CLVS1: variants seen among roughly 807,000 people sequenced by gnomAD.
CLVS1 encodes clavesin-1.
A neutral mutation model predicts 33.1 loss-of-function variants in CLVS1; 10 were observed. The ratio of observed to expected loss-of-function variants is 0.30; its 90% CI spans 0.19 to 0.51. CLVS1 has a LOEUF of 0.51. Ranked by LOEUF, CLVS1 falls within the 20% of genes least tolerant of loss-of-function variation. The pLI, the probability that CLVS1 is intolerant of heterozygous loss-of-function variation, is 0.97. For synonymous variants in CLVS1, 163 were observed against 166.1 expected (o/e 0.98, Z 0.14); for missense variants, 343 against 433.4 (o/e 0.79, Z 1.85).
chr8:61,079,462 T>A, intron 1 of CLVS1, among the ~76,000 whole-genome samples: 1 of 152,242 alleles, frequency 6.6e-6, no homozygotes, highest in East Asian at 1.9e-4. Flanking sequence ...TGGTGTGAGT[T>A]GGCTTAGGTG....
intron 1 of CLVS1, among the ~76,000 whole-genome samples, chr8:61,071,193 T>A (rs969779210): frequency 1.3e-5 from 2 of 152,222 alleles, no homozygotes; most frequent in Non-Finnish European, 2.9e-5. Flanking sequence ...TTGCTACAAA[T>A]GGAGACATTT....
At chr8:60,980,397 G>T in the CLVS1 span, among the ~76,000 whole-genome samples, 1 of 152,142 alleles carries the variant, frequency 6.6e-6, no homozygotes, top group African/African-American at 2.4e-5. Context: ...GAATTGTATG[G>T]TCAATAAAGA....
chr8:61,180,671 A>G (rs1168913440), intron 2 of CLVS1, among the ~76,000 whole-genome samples: 2 of 152,262 alleles, frequency 1.3e-5, no homozygotes, highest in Non-Finnish European at 2.9e-5. Context: ...CCTGTGACGC[A>G]AGTCTGGTTC....
chr8:61,043,238 C>A, the CLVS1 span, among the ~76,000 whole-genome samples: 64 of 152,322 alleles, frequency 4.2e-4, no homozygotes, highest in Middle Eastern at 6.8e-3. Flanking sequence ...CATATTTCTT[C>A]CTGACCTTGG....
intron 5 of CLVS1, among the ~76,000 whole-genome samples, chr8:61,493,279 G>A (rs550992681): frequency 3.1e-4 from 47 of 152,130 alleles, no homozygotes; most frequent in African/African-American, 7.7e-4. Context: ...GTCTTTTAGT[G>A]GTGCCATGGA....
chr8:61,071,531 T>C (rs1412143628), intron 1 of CLVS1, among the ~76,000 whole-genome samples: 2 of 152,218 alleles, frequency 1.3e-5, no homozygotes, highest in Admixed American at 1.3e-4. Flanking sequence ...ACCTAGATGG[T>C]TCACAATAAT....
At chr8:60,967,792 A>G in the CLVS1 span, 2 of 427,164 alleles carry the variant, frequency 4.7e-6, no homozygotes, top group Non-Finnish European at 9.3e-6. Flanking sequence ...TCTTATGAGT[A>G]CTCAGGGCTG....
intron 1 of CLVS1, among the ~76,000 whole-genome samples, chr8:61,077,143 G>T (rs1053365930): frequency 6.6e-6 from 1 of 151,640 alleles, no homozygotes; most frequent in Admixed American, 6.6e-5. Flanking sequence ...GCGCGATCTC[G>T]GCTCACTGCA....
Position 61,066,969 on chromosome 8 carries a change from A to G in CLVS1, c.-243+9739A>G, listed in dbSNP as rs1317961224. Among the ~76,000 whole-genome samples, 5 of 152,118 alleles carry G rather than the reference A, an allele frequency of 3.3e-5. 1 individual carries two copies. Among genetic ancestry groups the G allele is most frequent in the African/African-American group, 1.2e-4 (5 of 41,410 alleles). The stretch of plus-strand genomic sequence containing the variant: ...AGCATTCCATGACTGCAGTCTAGTC[A>G]TCAAACACACACTGAGCACGTGCTG... On this transcript the variant is annotated intron_variant, in intron 1 of 2. Coordinates refer to the CLVS1 transcript ENST00000522621.
chr8:61,420,881 G>C (rs1815632882), intron 3 of CLVS1, among the ~76,000 whole-genome samples: 1 of 151,424 alleles, frequency 6.6e-6, no homozygotes, highest in Admixed American at 6.6e-5. Context: ...TGAGGCAGGA[G>C]AATCACTTGA....
intron 2 of CLVS1, among the ~76,000 whole-genome samples, chr8:61,264,256 C>T (rs2919312): frequency 0.69 from 104,245 of 151,790 alleles, 38,185 homozygotes; most frequent in East Asian, 0.97. Flanking sequence ...TGCTTGAAGA[C>T]GCTGAATGTT....
At chr8:61,248,077 C>T (rs1219399557) in intron 2 of CLVS1, among the ~76,000 whole-genome samples, 1 of 152,060 alleles carries the variant, frequency 6.6e-6, no homozygotes, top group African/African-American at 2.4e-5. Context: ...TCAGCTTTGT[C>T]AAAGATTGGA....
intron 1 of CLVS1, among the ~76,000 whole-genome samples, chr8:61,289,877 C>T (rs1006932298): frequency 6.6e-6 from 1 of 152,112 alleles, no homozygotes; most frequent in Non-Finnish European, 1.5e-5. Flanking sequence ...GACATAATTC[C>T]ACCTGCCTCT....
intron 1 of CLVS1, among the ~76,000 whole-genome samples, chr8:61,131,072 C>T (rs2979414): frequency 0.01 from 1,590 of 152,284 alleles, 18 homozygotes; most frequent in Non-Finnish European, 0.017. Context: ...TAGTTCTACA[C>T]GAGGATCATG....
intron 2 of CLVS1, among the ~76,000 whole-genome samples, chr8:61,216,733 G>A (rs563760076): frequency 1.3e-5 from 2 of 152,334 alleles, no homozygotes; most frequent in South Asian, 4.1e-4. Flanking sequence ...GCAAAGCAAG[G>A]AGACAGCTGA....
intron 3 of CLVS1, among the ~76,000 whole-genome samples, chr8:61,428,951 G>C (rs1054362941): frequency 3.3e-5 from 5 of 152,202 alleles, no homozygotes; most frequent in African/African-American, 1.2e-4. Flanking sequence ...ATGTAAGTAT[G>C]TGTATGTGTG....
At chr8:61,029,729 CT>C in the CLVS1 span, among the ~76,000 whole-genome samples, 1 of 152,008 alleles carries the variant, frequency 6.6e-6, no homozygotes, top group African/African-American at 2.4e-5. Flanking sequence ...GGTATTTCTC[CT>C]AATGCTATCC....
intron 1 of CLVS1, among the ~76,000 whole-genome samples, chr8:61,085,102 A>T (rs533362067): frequency 6.6e-6 from 1 of 152,340 alleles, no homozygotes; most frequent in African/African-American, 2.4e-5. Flanking sequence ...AAACCTGGGA[A>T]AATATGAGAA....
the CLVS1 span, among the ~76,000 whole-genome samples, chr8:61,048,977 AC>A: frequency 2.0e-5 from 3 of 152,196 alleles, no homozygotes; most frequent in South Asian, 6.2e-4. Context: ...AAAATTAAAT[AC>A]CCTGGTGAAT....
Sources: allele counts gnomAD v4.1 joint callset (sites outside exome capture counted in the v4.1 genomes callset), GRCh38; gene constraint gnomAD v4.1.1; transcripts MANE v1.5; gene names NCBI Gene and HGNC (gene_info 2026-07-23, HGNC 2026-07-21).